Variants in ZNF14 observed in about 807,000 individuals in gnomAD.
The protein encoded by ZNF14 is gonadotropin inducible transcription repressor-4.
In ZNF14, 9 loss-of-function variants were observed where a neutral mutation model predicts 11.3. The ratio of observed to expected loss-of-function variants is 0.80; its 90% CI spans 0.48 to 1.39. The LOEUF (loss-of-function observed/expected upper bound fraction) is 1.39, where lower values mean the gene tolerates loss of function less well. ZNF14 is among the 40% of genes most tolerant of loss of function. ZNF14 has a pLI of 0.00. For missense variants in ZNF14, 711 were observed against 763.9 expected (o/e 0.93, Z 0.82); for synonymous variants, 239 against 245.7 (o/e 0.97, Z 0.25).
chr19:19,722,141 G>A (rs895543633), intron 1 of ZNF14, among the ~76,000 whole-genome samples: 1 of 151,994 alleles, frequency 6.6e-6, no homozygotes, highest in Non-Finnish European at 1.5e-5. Context: ...GCAGACAAAT[G>A]ACAAATTACA....
chr19:19,729,556 T>C (rs2062417348), intron 1 of ZNF14, among the ~76,000 whole-genome samples: 1 of 152,110 alleles, frequency 6.6e-6, no homozygotes, highest in African/African-American at 2.4e-5. Context: ...ACTCAGGTGA[T>C]TCACTCATCT....
rs1341264987 is a variant in ZNF14 at position 19,727,953 on chromosome 19, C to T, written c.3+5003G>A. Among the ~76,000 whole-genome samples the T allele has an allele frequency of 1.5e-5, 2 of 131,192 alleles. 1 individual carries two copies. Among genetic ancestry groups the T allele is most frequent in the Non-Finnish European group, 3.4e-5 (2 of 59,234 alleles). 86.1% of individuals were successfully genotyped at this position (131,192 alleles called of 152,430 possible). Reference sequence around the variant, plus strand: ...CCATCATGGTGAAACTCCGTCTCTACTAAAAATACAAAAATTAGCTGGCAT... The same window carrying T: ...CCATCATGGTGAAACTCCGTCTCTATTAAAAATACAAAAATTAGCTGGCAT... On this transcript the variant is annotated intron_variant, in intron 1 of 3. Coordinates refer to ENST00000344099, the MANE Select transcript of ZNF14 (RefSeq NM_021030.3).
At chr19:19,730,076 G>A (rs2062418901) in intron 1 of ZNF14, among the ~76,000 whole-genome samples, 1 of 152,102 alleles carries the variant, frequency 6.6e-6, no homozygotes, top group South Asian at 2.1e-4. Context: ...AGGCTGGAGT[G>A]CAGTGGCATT....
At chr19:19,726,786 C>T (rs1409207045) in intron 1 of ZNF14, among the ~76,000 whole-genome samples, 10 of 131,144 alleles carry the variant, frequency 7.6e-5, no homozygotes, top group East Asian at 2.1e-4. Flanking sequence ...TCAGCAATGA[C>T]GGACGCCCCT....
chr19:19,713,050 A>T lies in ZNF14; in HGVS notation c.231T>A (p.Gly77=). ...GGCTAGTGGTTTCTCCACATTTGCT[A>T]CCTCTTCTACTTTCACAGAGTCTCT... ...MVERLCESRR[G]SKCGETTSQM... Residue 77 remains glycine (G), a synonymous_variant, in exon 4 of 4, where the codon GGT becomes GGA. Transcript: ENST00000344099. The T allele has an allele frequency of 6.2e-7, 1 of 1,610,144 alleles. No homozygotes were observed. Among genetic ancestry groups the T allele is most frequent in the South Asian group, 1.1e-5 (1 of 90,454 alleles).
At chr19:19,713,268 A>G (rs2062367671) in intron 3 of ZNF14, among the ~76,000 whole-genome samples, 179 bp from the exon 4 acceptor site, 1 of 152,158 alleles carries the variant, frequency 6.6e-6, no homozygotes, top group African/African-American at 2.4e-5. Context: ...AGTTATGATC[A>G]AAACAGTCAA....
At chr19:19,728,883 A>G (rs1324712167) in intron 1 of ZNF14, among the ~76,000 whole-genome samples, 2 of 152,048 alleles carry the variant, frequency 1.3e-5, no homozygotes, top group Non-Finnish European at 2.9e-5. Flanking sequence ...TAATTATGCC[A>G]AAAGTCAAAC....
intron 1 of ZNF14, among the ~76,000 whole-genome samples, chr19:19,715,841 G>T (rs1295381435): frequency 6.6e-6 from 1 of 152,140 alleles, no homozygotes; most frequent in African/African-American, 2.4e-5. Context: ...TTTAATTCCT[G>T]TTCCACTATA....
chr19:19,720,540 G>A lies in ZNF14; in HGVS notation c.4-6053C>T, dbSNP rs886487716. 4.6e-5 allele frequency among the ~76,000 whole-genome samples: 7 copies of A among 151,568 alleles called. No individual in the cohort carries two copies. Among genetic ancestry groups the A allele is most frequent in the Non-Finnish European group, 8.8e-5 (6 of 67,882 alleles). On this transcript the variant is annotated intron_variant, in intron 1 of 3. Coordinates refer to ENST00000344099, the MANE Select transcript of ZNF14 (RefSeq NM_021030.3). The surrounding 1 kb of genome is among the most constrained non-coding windows in gnomAD (Gnocchi z 4.1). Reference sequence around the variant, plus strand: ...GTATTTTTAGTAGAGACGGGGTTTCGCCATGTTGGCCAGGCTGGTCTCAAG... The same window carrying A: ...GTATTTTTAGTAGAGACGGGGTTTCACCATGTTGGCCAGGCTGGTCTCAAG...
At chr19:19,714,713 C>T (rs4994444) in intron 1 of ZNF14, among the ~76,000 whole-genome samples, 156 of 122,804 alleles carry the variant, frequency 1.3e-3, no homozygotes, top group Middle Eastern at 9.4e-3. Context: ...TTTTCTTTTT[C>T]TTTTTTTTTT....
At chr19:19,732,935 A>C in intron 1 of ZNF14, 21 bp downstream of exon 1, 1 of 1,613,130 alleles carries the variant, frequency 6.2e-7, no homozygotes, top group African/African-American at 1.3e-5. Context: ...CTCCCCTCGG[A>C]CACTGGCCCC....
At chr19:19,721,882 G>A (rs2062394144) in intron 1 of ZNF14, among the ~76,000 whole-genome samples, 1 of 150,450 alleles carries the variant, frequency 6.6e-6, no homozygotes, top group Non-Finnish European at 1.5e-5. Flanking sequence ...AGAATTGCTT[G>A]AACCCAGGAG....
chr19:19,728,588 T>C (rs1568452030), intron 1 of ZNF14, among the ~76,000 whole-genome samples: 1 of 129,302 alleles, frequency 7.7e-6, no homozygotes, highest in African/African-American at 2.9e-5. Flanking sequence ...TATACTCCTA[T>C]GAGTCATTTG....
At chr19:19,731,793 C>T (rs1351182205) in intron 1 of ZNF14, among the ~76,000 whole-genome samples, 2 of 152,098 alleles carry the variant, frequency 1.3e-5, no homozygotes, top group Admixed American at 6.5e-5. Flanking sequence ...CTTAGCCGGG[C>T]GCGGTGGCTC....
chr19:19,715,067 A>C (rs16996259), intron 1 of ZNF14, among the ~76,000 whole-genome samples: 2,000 of 152,196 alleles, frequency 0.013, 57 homozygotes, highest in African/African-American at 0.046. Context: ...CTAAAGGTGG[A>C]CTCAAGCTCA....
Position 19,711,130 on chromosome 19 carries a change from T to C in ZNF14, c.*222A>G. ...AAAACAGATTTCACTGCAGCACGAG[T>C]CCTGTCTTTGAAATGAATTAGGTCA... On this transcript the variant is annotated 3_prime_UTR_variant, in exon 4 of 4. Coordinates refer to ENST00000344099, the MANE Select transcript of ZNF14 (RefSeq NM_021030.3). 1 of 473,728 alleles carries C rather than the reference T, an allele frequency of 2.1e-6. No homozygotes were observed. Among genetic ancestry groups the C allele is most frequent in the Non-Finnish European group, 3.6e-6 (1 of 280,990 alleles). 29.3% of individuals were successfully genotyped at this position (473,728 alleles called of 1,614,324 possible).
rs191241627 is a variant in ZNF14 at position 19,726,105 on chromosome 19, G to A, written c.3+6851C>T. ...TCAACTCATCAAAGTAATTCTCTCC[G>A]TCCAGCTTTGTTCCATTGCTGGCAA... On this transcript the variant is annotated intron_variant, in intron 1 of 3. Coordinates refer to ENST00000344099, the MANE Select transcript of ZNF14 (RefSeq NM_021030.3). Among the ~76,000 whole-genome samples, 322 of 134,682 alleles carry A rather than the reference G, an allele frequency of 2.4e-3. 67 individuals are homozygous for A. Among genetic ancestry groups the A allele is most frequent in the African/African-American group, 7.1e-3 (260 of 36,522 alleles). The allele number at this position is 134,682 out of a possible 152,430, so 88.4% of individuals were successfully genotyped here.
intron 1 of ZNF14, among the ~76,000 whole-genome samples, chr19:19,718,198 T>C (rs1167259554): frequency 1.3e-5 from 2 of 152,192 alleles, no homozygotes; most frequent in Non-Finnish European, 2.9e-5. Context: ...GTTGGAATTG[T>C]CAGATCAGAA....
rs546595032 is a variant in ZNF14, at chr19:19,712,361, T to C, written c.920A>G (p.Tyr307Cys). 11 of 1,613,402 alleles carry C rather than the reference T, an allele frequency of 6.8e-6. No homozygotes were observed. Among genetic ancestry groups the C allele is most frequent in the Admixed American group, 6.7e-5 (4 of 59,838 alleles). ...GGCTTTTCCACATTCTTTACATTCA[T>C]AGGGTTTCTCTCCACTATGAGTCCT... ...HKRTHSGEKP[Y>C]ECKECGKAFF... is the part of the protein sequence containing the mutation. Residue 307 changes from tyrosine to cysteine, a missense_variant, in exon 4 of 4, where the codon TAT becomes TGT. Tyr to Cys is a radical substitution (Grantham distance 194, BLOSUM62 -2). Transcript: ENST00000344099.
Sources: allele counts gnomAD v4.1 joint callset (sites outside exome capture counted in the v4.1 genomes callset), GRCh38; gene constraint gnomAD v4.1.1; non-coding constraint Gnocchi (gnomAD v3.1); transcripts MANE v1.5; gene names NCBI Gene and HGNC (gene_info 2026-07-23, HGNC 2026-07-21).